Variants in CNBD1 observed in about 807,000 individuals in gnomAD.
The protein encoded by CNBD1 is cyclic nucleotide binding domain containing 1.
In CNBD1, 71 loss-of-function variants were observed where a neutral mutation model predicts 54.4. The observed-to-expected ratio is 1.30, with a 90% CI of 1.08 to 1.59. CNBD1 has a LOEUF of 1.59. Among genes scored for constraint, CNBD1 ranks in the 40% most tolerant of loss-of-function variants. The pLI is 0.00. For synonymous variants in CNBD1, 182 were observed against 170.7 expected, an observed-to-expected ratio of 1.07 and a Z score of -0.51; for missense variants, 659 against 518.0, an observed-to-expected ratio of 1.27 and a Z score of -2.64.
At chr8:86,938,420 A>T (rs1372212800) in intron 3 of CNBD1, among the ~76,000 whole-genome samples, 1 of 152,152 alleles carries the variant, frequency 6.6e-6, no homozygotes, top group Non-Finnish European at 1.5e-5. Context: ...ATCTGTTCTT[A>T]CACTGCTAAT....
intron 4 of CNBD1, among the ~76,000 whole-genome samples, chr8:87,011,596 A>G (rs1371309781): frequency 1.3e-5 from 2 of 149,982 alleles, no homozygotes; most frequent in African/African-American, 5.1e-5. Flanking sequence ...TCATCTAAAA[A>G]TGTTGTAAAA....
chr8:87,372,571 G>T (rs1250494508), intron 10 of CNBD1, among the ~76,000 whole-genome samples: 1 of 151,808 alleles, frequency 6.6e-6, no homozygotes. Flanking sequence ...GATTATGATA[G>T]GTAGAAAAGA....
At chr8:87,305,148 C>T (rs1436702154) in intron 8 of CNBD1, among the ~76,000 whole-genome samples, 3 of 152,024 alleles carry the variant, frequency 2.0e-5, no homozygotes, top group Admixed American at 6.6e-5. Context: ...AACTCAACAC[C>T]TTTTACAATA....
intron 4 of CNBD1, chr8:87,044,446 A>G (rs1030900842): frequency 6.6e-6 from 1 of 152,284 alleles, no homozygotes; most frequent in East Asian, 1.9e-4. Flanking sequence ...ATTAAGGAGC[A>G]TAGACACGGA....
At chr8:87,264,948 G>T (rs1306968563) in intron 6 of CNBD1, among the ~76,000 whole-genome samples, 1 of 152,010 alleles carries the variant, frequency 6.6e-6, no homozygotes, top group Non-Finnish European at 1.5e-5. Context: ...CATTTTGTAG[G>T]TTGCCTGTTC....
chr8:87,338,062 A>T (rs1809985423), intron 8 of CNBD1, among the ~76,000 whole-genome samples: 1 of 152,210 alleles, frequency 6.6e-6, no homozygotes, highest in Non-Finnish European at 1.5e-5. Context: ...AGGTGTACTT[A>T]AAAGAAATTA....
chr8:87,317,830 TA>T (rs1809424625), intron 8 of CNBD1, among the ~76,000 whole-genome samples: 1 of 151,900 alleles, frequency 6.6e-6, no homozygotes, highest in Non-Finnish European at 1.5e-5. Flanking sequence ...TACATAAGAT[TA>T]GGCTCACTGA....
chr8:87,096,651 G>A (rs1002667910), intron 4 of CNBD1, among the ~76,000 whole-genome samples: 3 of 152,114 alleles, frequency 2.0e-5, no homozygotes, highest in Admixed American at 6.6e-5. Flanking sequence ...CTGAGAAGAG[G>A]ATAAGGAAAG....
intron 4 of CNBD1, among the ~76,000 whole-genome samples, chr8:87,190,911 A>C (rs1230110037): frequency 2.0e-5 from 3 of 146,844 alleles, no homozygotes; most frequent in African/African-American, 7.5e-5. Flanking sequence ...ATATAGGTAC[A>C]TGTATCTATA....
intron 10 of CNBD1, among the ~76,000 whole-genome samples, chr8:87,359,437 A>G (rs925552244): frequency 9.9e-5 from 15 of 152,184 alleles, no homozygotes; most frequent in Admixed American, 9.8e-4. Context: ...TTACAAGGAA[A>G]TAAAATATTG....
chr8:87,306,176 G>A (rs1219230724), intron 8 of CNBD1, among the ~76,000 whole-genome samples: 1 of 152,060 alleles, frequency 6.6e-6, no homozygotes, highest in Non-Finnish European at 1.5e-5. Flanking sequence ...TAATGATAAA[G>A]GAAATGCAAA....
At chr8:86,934,101 C>G (rs541718376) in intron 3 of CNBD1, among the ~76,000 whole-genome samples, 1 of 152,196 alleles carries the variant, frequency 6.6e-6, no homozygotes, top group South Asian at 2.1e-4. Flanking sequence ...CTTTGTCTAG[C>G]TCCTTTTCAT....
At chr8:86,981,928 C>A (rs1277910918) in intron 4 of CNBD1, among the ~76,000 whole-genome samples, 1 of 152,164 alleles carries the variant, frequency 6.6e-6, no homozygotes, top group East Asian at 1.9e-4. Flanking sequence ...GGTTAACACA[C>A]AGAAGTGGGA....
At chr8:87,027,389 A>C (rs371196843) in intron 4 of CNBD1, among the ~76,000 whole-genome samples, 6 of 152,142 alleles carry the variant, frequency 3.9e-5, no homozygotes, top group African/African-American at 1.2e-4. Context: ...TTCCTGCCTC[A>C]GCCTCCTGAG....
At chr8:87,410,247 C>T (rs1783649497) in intron 2 of CNBD1, among the ~76,000 whole-genome samples, 1 of 151,900 alleles carries the variant, frequency 6.6e-6, no homozygotes, top group Admixed American at 6.6e-5. Context: ...ATTCTATAGC[C>T]CAAGGATTGA....
intron 4 of CNBD1, among the ~76,000 whole-genome samples, chr8:86,951,624 T>C (rs1469639316): frequency 3.8e-5 from 3 of 79,942 alleles, no homozygotes; most frequent in African/African-American, 1.4e-4. Flanking sequence ...AAAAAAGATA[T>C]TGCCCCTACC....
At chr8:87,174,831 G>A (rs1397002977) in intron 4 of CNBD1, among the ~76,000 whole-genome samples, 1 of 152,176 alleles carries the variant, frequency 6.6e-6, no homozygotes, top group Admixed American at 6.5e-5. Flanking sequence ...ACTCATAGAG[G>A]TACTGCCTTG....
intron 2 of CNBD1, among the ~76,000 whole-genome samples, chr8:87,426,194 A>T (rs1808047041): frequency 6.6e-6 from 1 of 152,130 alleles, no homozygotes; most frequent in South Asian, 2.1e-4. Flanking sequence ...CGGTGCGCGC[A>T]CCCACTGACC....
chr8:87,173,923 A>G (rs948546050), intron 4 of CNBD1, among the ~76,000 whole-genome samples: 1 of 151,252 alleles, frequency 6.6e-6, no homozygotes, highest in African/African-American at 2.4e-5. Context: ...TATCTTATAA[A>G]TCTTGTAGGC....
Sources: gnomAD v4.1 joint callset for allele counts (sites outside exome capture counted in the v4.1 genomes callset) on GRCh38, gnomAD v4.1.1 for gene constraint, MANE v1.5 for transcripts, NCBI Gene and HGNC (gene_info 2026-07-23, HGNC 2026-07-21) for gene names.